CEP63: variants seen among roughly 807,000 people sequenced by gnomAD.
The protein encoded by CEP63 is centrosomal protein of 63 kDa.
In CEP63, 84 loss-of-function variants were observed where a neutral mutation model predicts 89.1. The ratio of observed to expected loss-of-function variants is 0.94; its 90% CI spans 0.79 to 1.13. The LOEUF (loss-of-function observed/expected upper bound fraction) is 1.13. CEP63 is among the 50% of genes most tolerant of loss of function. CEP63 has a pLI of 0.00. For missense variants in CEP63, 838 were observed against 813.3 expected, an observed-to-expected ratio of 1.03 and a Z score of -0.37; for synonymous variants, 267 against 272.5, an observed-to-expected ratio of 0.98 and a Z score of 0.20.
intron 2 of CEP63, among the ~76,000 whole-genome samples, chr3:134,503,100 CT>C (rs34673408): frequency 0.01 from 944 of 92,028 alleles, 2 homozygotes; most frequent in Non-Finnish European, 0.012. Flanking sequence ...TGATTTCAAT[CT>C]TTTTTTTTTT....
chr3:134,566,812 T>C (rs1265705828), downstream of CEP63, among the ~76,000 whole-genome samples: 3 of 152,230 alleles, frequency 2.0e-5, no homozygotes, highest in South Asian at 4.1e-4. Flanking sequence ...ATTGGAACAC[T>C]CATATGTTGC....
At position 134,507,249 on chromosome 3, in the gene CEP63, A is replaced by G. The variant is rs778879590; in HGVS notation, c.185A>G (p.Lys62Arg). 2.5e-6 allele frequency: 4 copies of G among 1,613,904 alleles called. No homozygotes were observed. Among genetic ancestry groups the G allele is most frequent in the African/African-American group, 1.3e-5 (1 of 75,040 alleles). Residue 62 changes from lysine (K) to arginine (R), a missense_variant, in exon 3 of 15, where the codon AAG becomes AGG. By Grantham distance (26) the Lys-to-Arg change is conservative. Transcript: ENST00000675561. The part of the protein sequence containing the change: ...TCLKIREQEL[K>R]SLRSQLDVTH... ...TTGAAAATCCGTGAACAGGAACTTA[A>G]GAGTCTTAGGAGTCAGTTGGATGTG...
At chr3:134,627,641 T>C in the CEP63 span, 4 of 844,862 alleles carry the variant, frequency 4.7e-6, no homozygotes, top group Admixed American at 2.1e-5. Context: ...AACCCAAAGG[T>C]GGCCCCAGCC....
At chr3:134,734,748 G>T in the CEP63 span, among the ~76,000 whole-genome samples, 1 of 152,126 alleles carries the variant, frequency 6.6e-6, no homozygotes, top group Admixed American at 6.5e-5. Context: ...TAAAGTTGCC[G>T]TAAACACTGA....
downstream of CEP63, among the ~76,000 whole-genome samples, chr3:134,576,834 G>A (rs1011142671): frequency 4.0e-5 from 6 of 149,558 alleles, no homozygotes; most frequent in African/African-American, 1.5e-4. Context: ...TGGAGAGCCA[G>A]CCCATCCAAA....
At chr3:134,548,122 G>A (rs183802345) in intron 9 of CEP63, among the ~76,000 whole-genome samples, 10 of 152,150 alleles carry the variant, frequency 6.6e-5, no homozygotes, top group Admixed American at 2.6e-4. Context: ...TATAAAATAC[G>A]CTGTAACATC....
chr3:134,661,253 C>T, the CEP63 span, among the ~76,000 whole-genome samples: 10 of 152,320 alleles, frequency 6.6e-5, no homozygotes, highest in South Asian at 2.1e-3. Context: ...TCCATCTATC[C>T]GATCCATCCC....
Position 134,546,226 on chromosome 3 carries a change from A to G in CEP63, c.867A>G (p.Gln289=). ...ATCTCATACATGAGGCCAGAATACAAAAGGAGAAGTTACAAGAAAAAGTAA... is the reference window on the plus strand; with the variant it reads ...ATCTCATACATGAGGCCAGAATACAGAAGGAGAAGTTACAAGAAAAAGTAA... ...QENLIHEARI[Q]KEKLQEKVKA... Residue 289 remains glutamine, a synonymous_variant, in exon 8 of 15, where the codon CAA becomes CAG. Transcript: ENST00000675561. The G allele has an allele frequency of 6.2e-7, 1 of 1,613,966 alleles. No individual in the cohort carries two copies. Among genetic ancestry groups the G allele is most frequent in the East Asian group, 2.2e-5 (1 of 44,818 alleles).
chr3:134,584,970 T>TTGTTTTG (rs1958451373), intron 10 of CEP63, among the ~76,000 whole-genome samples: 1 of 45,338 alleles, frequency 2.2e-5, no homozygotes, highest in African/African-American at 5.7e-5. Flanking sequence ...TTTTTTTTTT[T>TTGTTTTG]TTTTGCATGG....
chr3:134,548,158 T>G (rs1224589468), intron 9 of CEP63, among the ~76,000 whole-genome samples: 1 of 152,220 alleles, frequency 6.6e-6, no homozygotes, highest in African/African-American at 2.4e-5. Flanking sequence ...AAACCATCCC[T>G]TAATCCTATG....
the CEP63 span, among the ~76,000 whole-genome samples, chr3:134,598,567 G>C: frequency 6.6e-6 from 1 of 152,208 alleles, no homozygotes; most frequent in Non-Finnish European, 1.5e-5. Context: ...CCCATGGAAA[G>C]TATAAGACAC....
Position 134,550,058 on chromosome 3 carries a change from T to C in CEP63, c.1183-5T>C, listed in dbSNP as rs1954465394. 2 of 1,609,390 alleles carry C rather than the reference T, an allele frequency of 1.2e-6. No individual in the cohort carries two copies. The highest frequency in any genetic ancestry group is 1.1e-5 in the South Asian group (1 of 90,988). On this transcript the variant is annotated splice_region_variant and splice_polypyrimidine_tract_variant and intron_variant, in intron 10 of 14. Transcript: ENST00000675561. ...TTTGGTGCTTTCTTTTCTGCTTCTT[T>C]ATAGTTGAAAGAACAGATTTTACAG... is the stretch of plus-strand genomic sequence containing the variant.
intron 12 of CEP63, 57 bp downstream of exon 12, chr3:134,552,069 T>C (rs1457498722): frequency 3.3e-6 from 3 of 908,266 alleles, no homozygotes; most frequent in Non-Finnish European, 5.4e-6. Flanking sequence ...AAAATTACTT[T>C]GTAAATATTT....
At chr3:134,589,897 C>A (rs762689349), downstream of CEP63, among the ~76,000 whole-genome samples, 4 of 152,174 alleles carry the variant, frequency 2.6e-5, no homozygotes, top group Non-Finnish European at 4.4e-5. Context: ...TACATATACA[C>A]CATGGAATAC....
chr3:134,733,996 T>C, the CEP63 span, among the ~76,000 whole-genome samples: 1 of 152,214 alleles, frequency 6.6e-6, no homozygotes, highest in African/African-American at 2.4e-5. Flanking sequence ...TTCAATATGA[T>C]TTAACATTGT....
At chr3:134,585,759 A>G (rs974121135) in intron 10 of CEP63, among the ~76,000 whole-genome samples, 2 of 151,846 alleles carry the variant, frequency 1.3e-5, no homozygotes, top group African/African-American at 4.8e-5. Flanking sequence ...TTAACCTTCT[A>G]TCTCGTTGAT....
chr3:134,609,664 G>T, the CEP63 span, among the ~76,000 whole-genome samples: 1 of 152,278 alleles, frequency 6.6e-6, no homozygotes, highest in African/African-American at 2.4e-5. Flanking sequence ...CACCCCGGCT[G>T]CCCTGCCCCA....
the CEP63 span, among the ~76,000 whole-genome samples, chr3:134,740,266 T>TTTCA: frequency 0.014 from 1,941 of 140,930 alleles, 33 homozygotes; most frequent in African/African-American, 0.048. Flanking sequence ...TATTCTTTTC[T>TTTCA]TTTATTTATT....
intron 3 of CEP63, among the ~76,000 whole-genome samples, chr3:134,526,454 G>T (rs140320939): frequency 1.3e-5 from 2 of 152,224 alleles, no homozygotes; most frequent in African/African-American, 4.8e-5. Context: ...CTATCAGGTT[G>T]CTTACATTCT....
Sources: allele counts gnomAD v4.1 joint callset (sites outside exome capture counted in the v4.1 genomes callset), GRCh38; gene constraint gnomAD v4.1.1; transcripts MANE v1.5; gene names NCBI Gene and HGNC (gene_info 2026-07-23, HGNC 2026-07-21).